Variants in ANXA2 observed in about 807,000 individuals in gnomAD.
The protein encoded by ANXA2 is annexin A2.
In ANXA2, 28 loss-of-function variants were observed where a neutral mutation model predicts 47.3. The observed-to-expected ratio is 0.59, with a 90% CI of 0.44 to 0.81. The LOEUF is 0.81. ANXA2 is among the 40% of genes least tolerant of loss of function. The pLI, the probability that ANXA2 is intolerant of heterozygous loss-of-function variation, is 0.00. For synonymous variants in ANXA2, 172 were observed against 155.5 expected (o/e 1.11, Z -0.79); for missense variants, 384 against 414.3 (o/e 0.93, Z 0.64).
chr15:60,353,628 G>C (rs528587100), intron 8 of ANXA2, among the ~76,000 whole-genome samples: 1 of 152,264 alleles, frequency 6.6e-6, no homozygotes, highest in East Asian at 1.9e-4. Flanking sequence ...CCCTTCCAAA[G>C]GAAGAGCCTA....
intron 3 of ANXA2, among the ~76,000 whole-genome samples, chr15:60,370,282 C>T (rs893531784): frequency 6.6e-6 from 1 of 152,200 alleles, no homozygotes; most frequent in African/African-American, 2.4e-5. Context: ...GAAGATTCCC[C>T]TCCTACCGCC....
intron 4 of ANXA2, among the ~76,000 whole-genome samples, 189 bp downstream of exon 4, chr15:60,364,238 ACG>A (rs963691409): frequency 3.3e-5 from 5 of 152,224 alleles, no homozygotes; most frequent in African/African-American, 1.2e-4. Flanking sequence ...CCTGAGGTGC[ACG>A]CGCGCGTGCA....
intron 5 of ANXA2, among the ~76,000 whole-genome samples, chr15:60,358,391 G>A (rs1184895806): frequency 6.6e-6 from 1 of 152,078 alleles, no homozygotes; most frequent in African/African-American, 2.4e-5. Flanking sequence ...TTGTCTTTCC[G>A]AATATGGAAC....
intron 3 of ANXA2, among the ~76,000 whole-genome samples, chr15:60,380,594 A>C (rs1346563432): frequency 6.6e-6 from 1 of 151,362 alleles, no homozygotes; most frequent in Admixed American, 6.6e-5. Flanking sequence ...ACCAGAGGTG[A>C]GGGAGTTCGA....
At position 60,351,213 on chromosome 15, in the gene ANXA2, G is replaced by T. The variant is rs564741326; in HGVS notation, c.817C>A (p.Arg273=). 5.6e-6 allele frequency: 9 copies of T among 1,614,052 alleles called. No individual in the cohort carries two copies. Among genetic ancestry groups the T allele is most frequent in the South Asian group, 1.1e-5 (1 of 91,082 alleles). The change falls in exon 11 of 13, where the codon CGG becomes AGG. Residue 273 remains arginine, a synonymous_variant. Transcript: ENST00000451270. ...CTTACCTTCATGGAGTCATACAGCCGATCAGCAAAATACAGGGGCTTGTTC... is the reference window on the plus strand; with the variant it reads ...CTTACCTTCATGGAGTCATACAGCCTATCAGCAAAATACAGGGGCTTGTTC... ...IQNKPLYFAD[R]LYDSMKGKGT... is the part of the protein sequence containing the mutation.
chr15:60,357,079 C>G (rs1312783035), intron 6 of ANXA2, 67 bp downstream of exon 6: 1 of 1,442,940 alleles, frequency 6.9e-7, no homozygotes, highest in Middle Eastern at 2.4e-4. Context: ...AACCCTAACC[C>G]CAGTGGCCAT....
intron 3 of ANXA2, among the ~76,000 whole-genome samples, chr15:60,380,738 A>C (rs1204533398): frequency 8.0e-6 from 1 of 125,294 alleles, no homozygotes; most frequent in African/African-American, 3.1e-5. Flanking sequence ...CGGGAGGTGG[A>C]GGTTGCAGTG....
chr15:60,354,577 G>A (rs1346886489), intron 7 of ANXA2, among the ~76,000 whole-genome samples: 2 of 131,762 alleles, frequency 1.5e-5, no homozygotes, highest in African/African-American at 2.9e-5. Context: ...CTGAGATCAC[G>A]CCACTGCACT....
chr15:60,384,344 G>C (rs530830807), intron 2 of ANXA2: 1 of 152,182 alleles, frequency 6.6e-6, no homozygotes, highest in African/African-American at 2.4e-5. Flanking sequence ...GAAAAGTTTT[G>C]TGTCATTTTA....
At chr15:60,393,952 T>C (rs75185127) in intron 1 of ANXA2, among the ~76,000 whole-genome samples, 1,752 of 152,234 alleles carry the variant, frequency 0.012, 33 homozygotes, top group African/African-American at 0.041. Context: ...CCTTCCTCAA[T>C]TTTCTCTCTC....
At chr15:60,356,145 A>G in intron 6 of ANXA2, 147 bp from the exon 7 acceptor site, 1 of 628,582 alleles carries the variant, frequency 1.6e-6, no homozygotes, top group Middle Eastern at 4.3e-4. Flanking sequence ...AAACAGAGGA[A>G]GGATTCACTA....
At chr15:60,388,060 C>T (rs868319802) in intron 1 of ANXA2, among the ~76,000 whole-genome samples, 15 of 151,860 alleles carry the variant, frequency 9.9e-5, no homozygotes, top group African/African-American at 3.4e-4. Flanking sequence ...TGGGGGCGGG[C>T]GCCTGTAATC....
intron 3 of ANXA2, among the ~76,000 whole-genome samples, chr15:60,374,125 A>G (rs2062746211): frequency 6.6e-6 from 1 of 152,200 alleles, no homozygotes. Context: ...GATTTCTTCT[A>G]TTTCCATTCT....
chr15:60,397,803 G>A, intron 1 of ANXA2, 140 bp downstream of exon 1: 3 of 1,261,040 alleles, frequency 2.4e-6, no homozygotes, highest in South Asian at 4.0e-5. Context: ...AGTGCCGGCC[G>A]TCCCTTCAGC....
intron 3 of ANXA2, chr15:60,374,577 G>A (rs1321993089): frequency 6.6e-6 from 3 of 455,784 alleles, no homozygotes; most frequent in South Asian, 4.6e-5. Flanking sequence ...TTTAAAAAAA[G>A]AAAGAGCTGA....
At chr15:60,365,480 G>C (rs1289241351) in intron 3 of ANXA2, among the ~76,000 whole-genome samples, 1 of 152,228 alleles carries the variant, frequency 6.6e-6, no homozygotes, top group Non-Finnish European at 1.5e-5. Flanking sequence ...TCTTGGGTGA[G>C]AGAGTAGAGT....
Position 60,368,044 on chromosome 15 carries a change from C to T in ANXA2, c.149-3521G>A, listed in dbSNP as rs7178652. On this transcript the variant is annotated intron_variant, in intron 3 of 12. Transcript: ENST00000451270. ...CCTGTGCTCTCTGAAACATGTGCTG[C>T]GTCCACTCAGGGTTAAATGGATTAA... 8.1e-3 allele frequency among the ~76,000 whole-genome samples: 1,070 copies of T among 131,480 alleles called. 12 individuals are homozygous for T. Among genetic ancestry groups the T allele is most frequent in the African/African-American group, 0.03 (1,004 of 33,328 alleles). The allele number at this position is 131,480 out of a possible 152,430, so 86.3% of individuals were successfully genotyped here. A position where few individuals can be genotyped will look rare whatever the true frequency, so the allele number is the denominator to read the frequency against.
intron 3 of ANXA2, among the ~76,000 whole-genome samples, chr15:60,366,704 C>T (rs1489579522): frequency 1.0e-4 from 14 of 138,918 alleles, no homozygotes; most frequent in South Asian, 4.7e-4. Context: ...CCCGGCCAGC[C>T]GCCCCGTCCG....
At position 60,347,562 on chromosome 15, in the gene ANXA2, G is replaced by C; in HGVS notation, c.*68C>G. ...CCACGGGGACTGTTATTCGCAAGCT[G>C]GTTTTCTAGACCTGTTAGCTGGAAG... is the stretch of plus-strand genomic sequence containing the variant. On this transcript the variant is annotated 3_prime_UTR_variant, in exon 13 of 13. Coordinates refer to ENST00000451270, the MANE Select transcript of ANXA2 (RefSeq NM_004039.3). 1 of 1,523,546 alleles carries C rather than the reference G, an allele frequency of 6.6e-7. No homozygotes were observed. The highest frequency in any genetic ancestry group is 9.1e-7 in the Non-Finnish European group (1 of 1,098,740). 94.4% of individuals were successfully genotyped at this position (1,523,546 alleles called of 1,614,324 possible). A position where few individuals can be genotyped will look rare whatever the true frequency, so the allele number is the denominator to read the frequency against.
Sources: gnomAD v4.1 joint callset for allele counts (sites outside exome capture counted in the v4.1 genomes callset) on GRCh38, gnomAD v4.1.1 for gene constraint, MANE v1.5 for transcripts, NCBI Gene and HGNC (gene_info 2026-07-23, HGNC 2026-07-21) for gene names.